The following NAA16 variants were observed in gnomAD, a reference collection of about 807,000 sequenced individuals.
The protein encoded by NAA16 is N-alpha-acetyltransferase 16, NatA auxiliary subunit.
A neutral mutation model predicts 110.3 loss-of-function variants in NAA16; 97 were observed. The ratio of observed to expected loss-of-function variants is 0.88; its 90% confidence interval spans 0.75 to 1.04. The LOEUF (loss-of-function observed/expected upper bound fraction) is 1.04, where lower values mean the gene tolerates loss of function less well. NAA16 is among the 50% of genes least tolerant of loss of function. NAA16 has a pLI of 0.00. For missense variants in NAA16, 1,017 were observed against 1,005.1 expected (o/e 1.01, Z -0.16); for synonymous variants, 372 against 330.6 (o/e 1.13, Z -1.36).
rs147460267 is a variant in NAA16, at chr13:41,365,148, CTAACTT to C, written c.1540-2288_1540-2283del. ...TGTTTGGCCAAAAGGTACAGGGAAA[CTAACTT>C]TATCTGTTGGTGTTGTGTAGCATAT... On this transcript the variant is annotated intron_variant, in intron 13 of 19. Coordinates refer to ENST00000379406, the MANE Select transcript of NAA16 (RefSeq NM_024561.5). Among the ~76,000 whole-genome samples, 966 of 152,212 alleles carry C rather than the reference CTAACTT, an allele frequency of 6.3e-3. 9 individuals carry two copies. The highest frequency in any genetic ancestry group is 0.022 in the African/African-American group (924 of 41,542).
At position 41,336,351 on chromosome 13, in the gene NAA16, T is replaced by C. The variant is rs190490363; in HGVS notation, c.908-299T>C. Among the ~76,000 whole-genome samples the C allele has an allele frequency of 3.3e-5, 5 of 152,290 alleles. No individual in the cohort carries two copies. In the East Asian group the frequency reaches 9.6e-4, roughly 29 times the overall value. ...CACCAGCTTAGTGTTTAAAAAGATCTTTTGGCTATCACTTGAATATAGTGC... is the reference window on the plus strand; with the variant it reads ...CACCAGCTTAGTGTTTAAAAAGATCCTTTGGCTATCACTTGAATATAGTGC... On this transcript the variant is annotated intron_variant, in intron 8 of 19. Coordinates refer to ENST00000379406, the MANE Select transcript of NAA16 (RefSeq NM_024561.5).
chr13:41,312,963 AATTT>A (rs565862021), intron 1 of NAA16, among the ~76,000 whole-genome samples: 18 of 152,120 alleles, frequency 1.2e-4, no homozygotes, highest in Non-Finnish European at 1.6e-4. Context: ...TTGGAGAAGT[AATTT>A]ATTTATTTTT....
At chr13:41,362,248 CT>C in intron 13 of NAA16, 89 bp downstream of exon 13, 1 of 1,382,046 alleles carries the variant, frequency 7.2e-7, no homozygotes, top group Non-Finnish European at 9.7e-7. Flanking sequence ...CCTCTTCTAA[CT>C]TCTCTGGGAG....
At chr13:41,343,211 C>T (rs1413231682) in intron 9 of NAA16, among the ~76,000 whole-genome samples, 1 of 151,642 alleles carries the variant, frequency 6.6e-6, no homozygotes, top group Non-Finnish European at 1.5e-5. Context: ...TTCAAGTGAT[C>T]CTTCCGTCTC....
chr13:41,343,877 G>T lies in NAA16; in HGVS notation c.1014+7121G>T, dbSNP rs375384193. 7.2e-5 allele frequency among the ~76,000 whole-genome samples: 11 copies of T among 152,172 alleles called. No individual in the cohort carries two copies. The East Asian group carries it at 1.9e-3, about 27-fold the overall frequency. Reference sequence around the variant, plus strand: ...TTTATAGAGGTGGGGTCTCACTGTTGCCCAGGCTGGTCTCAAAATCTTGGA... The same window carrying T: ...TTTATAGAGGTGGGGTCTCACTGTTTCCCAGGCTGGTCTCAAAATCTTGGA... On this transcript the variant is annotated intron_variant, in intron 9 of 19. Coordinates refer to ENST00000379406, the MANE Select transcript of NAA16 (RefSeq NM_024561.5).
intron 8 of NAA16, among the ~76,000 whole-genome samples, chr13:41,335,705 A>G (rs908307968): frequency 2.0e-5 from 3 of 152,216 alleles, no homozygotes; most frequent in African/African-American, 7.2e-5. Context: ...TATATTGAGT[A>G]TGCATGCATG....
In NAA16 at chr13:41,320,748, TAGATAA is replaced by T; in HGVS notation, c.333_338del (p.Lys111_Asp112del). 1.2e-6 allele frequency: 2 copies of T among 1,613,378 alleles called. No individual in the cohort carries two copies. The highest frequency in any genetic ancestry group is 1.7e-6 in the Non-Finnish European group (2 of 1,179,892). ...AAATGTTACCGAAATGCCCTCAAATTAGATAAAGATAACCTGCAAATTTTGAGGGAT... is the reference window on the plus strand; with the variant it reads ...AAATGTTACCGAAATGCCCTCAAATTAGATAACCTGCAAATTTTGAGGGAT... On this transcript the variant is annotated inframe_deletion, in exon 4 of 20. Transcript: ENST00000379406.
intron 10 of NAA16, among the ~76,000 whole-genome samples, chr13:41,355,595 A>G (rs1478960643): frequency 6.6e-6 from 1 of 151,896 alleles, no homozygotes; most frequent in Non-Finnish European, 1.5e-5. Context: ...ACTCCTGCCT[A>G]AGTGTTGTAT....
Position 41,331,240 on chromosome 13 carries a change from T to A in NAA16, c.812-34T>A, listed in dbSNP as rs577865703. ...ATTTTACCATAGATAAAAGTTTTGA[T>A]GCTATGAATCTCACCCATATTTACT... On this transcript the variant is annotated intron_variant, in intron 7 of 19. Transcript: ENST00000379406. 60 of 1,294,702 alleles carry A rather than the reference T, an allele frequency of 4.6e-5. No homozygotes were observed. In the South Asian group the frequency reaches 7.4e-4, roughly 16 times the overall value. The allele number at this position is 1,294,702 out of a possible 1,614,324, so 80.2% of individuals were successfully genotyped here.
At chr13:41,353,719 A>G (rs1432879015) in intron 9 of NAA16, among the ~76,000 whole-genome samples, 4 of 151,776 alleles carry the variant, frequency 2.6e-5, no homozygotes, top group East Asian at 3.9e-4. Flanking sequence ...GTGAGCGACT[A>G]TCACACCACT....
At chr13:41,318,717 C>T (rs2041870832) in intron 2 of NAA16, 89 bp from the exon 3 acceptor site, 3 of 527,326 alleles carry the variant, frequency 5.7e-6, no homozygotes, top group Non-Finnish European at 9.1e-6. Context: ...CATAGTAATC[C>T]TTCAGATCTC....
In NAA16 at chr13:41,315,941, T is replaced by A. The variant is rs565550419; in HGVS notation, c.55-905T>A. Among the ~76,000 whole-genome samples the A allele has an allele frequency of 5.3e-5, 8 of 152,266 alleles. No individual in the cohort carries two copies. In the South Asian group the frequency reaches 1.7e-3, roughly 32 times the overall value. Reference sequence around the variant, plus strand: ...TGCACCACCACGCCTGAGGAATTTTTAATTTTTTTGTAGAGATGAGATCTT... The same window carrying A: ...TGCACCACCACGCCTGAGGAATTTTAAATTTTTTTGTAGAGATGAGATCTT... On this transcript the variant is annotated intron_variant, in intron 1 of 19. Transcript: ENST00000379406.
At chr13:41,359,938 A>G (rs2043077804) in intron 12 of NAA16, among the ~76,000 whole-genome samples, 1 of 152,168 alleles carries the variant, frequency 6.6e-6, no homozygotes, top group South Asian at 2.1e-4. Context: ...ATTTCTTGAC[A>G]CCAAAAGCAT....
At chr13:41,353,715 G>A (rs1487111639) in intron 9 of NAA16, among the ~76,000 whole-genome samples, 4 of 151,592 alleles carry the variant, frequency 2.6e-5, no homozygotes, top group African/African-American at 7.3e-5. Context: ...TACAGTGAGC[G>A]ACTATCACAC....
intron 9 of NAA16, among the ~76,000 whole-genome samples, chr13:41,341,165 T>C (rs564646105): frequency 6.6e-6 from 1 of 152,296 alleles, no homozygotes; most frequent in South Asian, 2.1e-4. Context: ...TGTAGATGTC[T>C]ATTAGGTCTG....
intron 8 of NAA16, among the ~76,000 whole-genome samples, chr13:41,334,091 C>T (rs2042312797): frequency 6.6e-6 from 1 of 152,056 alleles, no homozygotes; most frequent in Non-Finnish European, 1.5e-5. Flanking sequence ...CCGAATATTT[C>T]ATGATTTTTT....
At chr13:41,322,355 C>G (rs2041969708) in intron 4 of NAA16, among the ~76,000 whole-genome samples, 1 of 151,996 alleles carries the variant, frequency 6.6e-6, no homozygotes, top group African/African-American at 2.4e-5. Context: ...AGTGAGATAC[C>G]TAAATTTATG....
At chr13:41,373,998 T>C in intron 18 of NAA16, 1 of 576,578 alleles carries the variant, frequency 1.7e-6, no homozygotes, top group Non-Finnish European at 2.5e-6. Flanking sequence ...AAAGGGTTTG[T>C]GATAACGGGC....
At chr13:41,337,415 C>T (rs7981207) in intron 9 of NAA16, among the ~76,000 whole-genome samples, 143,900 of 151,894 alleles carry the variant, frequency 0.95, 68,233 homozygotes, top group South Asian at 0.99. Flanking sequence ...TGGTGGTGGG[C>T]GCCTGTAGTC....
Sources: gnomAD v4.1 joint callset for allele counts (sites outside exome capture counted in the v4.1 genomes callset) on GRCh38, gnomAD v4.1.1 for gene constraint, MANE v1.5 for transcripts, NCBI Gene and HGNC (gene_info 2026-07-23, HGNC 2026-07-21) for gene names.